The following TET3 variants were observed in gnomAD, a reference collection of about 807,000 sequenced individuals.
TET3 encodes the protein tet methylcytosine dioxygenase 3.
In TET3, 19 loss-of-function variants were observed where a neutral mutation model predicts 141.4. The observed-to-expected ratio is 0.13, with a 90% CI of 0.09 to 0.20. TET3 has a LOEUF of 0.20. Ranked by LOEUF, TET3 falls within the 10% of genes least tolerant of loss-of-function variation. The pLI is 1.00. For missense variants in TET3, 1,874 were observed against 2,356.9 expected (o/e 0.80, Z 4.24); for synonymous variants, 1,043 against 980.9 (o/e 1.06, Z -1.18).
At chr2:73,997,908 G>T (rs897294410) in intron 2 of TET3, among the ~76,000 whole-genome samples, 2 of 152,224 alleles carry the variant, frequency 1.3e-5, no homozygotes, top group African/African-American at 4.8e-5. Context: ...TGAGGGCAGA[G>T]ACTGGCCTTA....
chr2:74,013,236 C>T (rs1040391280), intron 3 of TET3, among the ~76,000 whole-genome samples: 6 of 151,878 alleles, frequency 4.0e-5, no homozygotes, highest in African/African-American at 7.2e-5. Context: ...CCTCATGATC[C>T]GCCCACCTCG....
At chr2:74,077,730 G>A (rs1689589283) in intron 5 of TET3, among the ~76,000 whole-genome samples, 1 of 152,208 alleles carries the variant, frequency 6.6e-6, no homozygotes. Flanking sequence ...GGGGCGGGAT[G>A]GTGGGGAAGG....
intron 4 of TET3, among the ~76,000 whole-genome samples, chr2:74,068,041 G>C (rs573045464): frequency 6.6e-6 from 1 of 152,184 alleles, no homozygotes; most frequent in Non-Finnish European, 1.5e-5. Flanking sequence ...AGGAGACCAT[G>C]GTGATAATTG....
chr2:73,986,895 C>G (rs1344431589), intron 2 of TET3, among the ~76,000 whole-genome samples, 189 bp downstream of exon 2: 1 of 152,182 alleles, frequency 6.6e-6, no homozygotes, highest in East Asian at 1.9e-4. Context: ...GTATGAGTAA[C>G]TGGGTAGAAG....
rs754411426 is a variant in TET3, at chr2:74,101,974, G to A, written c.5186G>A (p.Arg1729Gln). Reference protein sequence around the residue: ...RARARQEEAARLGLGQQEAKL... With the variant: ...RARARQEEAAQLGLGQQEAKL... ...CGGGCACGGCAGGAGGAGGCTGCCC[G>A]GCTGGGCCTGGGCCAGCAGGAGGCC... is the stretch of plus-strand genomic sequence containing the variant. The change falls in exon 12 of 12, where the codon CGG (arginine) becomes CAG (glutamine). Residue 1729 changes from arginine to glutamine, a missense_variant. Arg to Gln is a conservative substitution (Grantham distance 43, BLOSUM62 1). This residue lies in a region of TET3 where 113 missense variants were observed against 114.3 expected (regional missense o/e 0.99). Transcript: ENST00000409262. This position sits in a 1 kb window ranked among gnomAD's most constrained non-coding sequence, Gnocchi z 8.5. The A allele has an allele frequency of 3.6e-5, 58 of 1,606,956 alleles. No individual in the cohort carries two copies. The highest frequency in any genetic ancestry group is 4.3e-5 in the Non-Finnish European group (50 of 1,175,398).
rs749854666 is a variant in TET3 at position 74,093,564 on chromosome 2, G to A, written c.3165G>A (p.Leu1055=). 6.2e-7 allele frequency: 1 copy of A among 1,613,304 alleles called. No homozygotes were observed. The highest frequency in any genetic ancestry group is 1.1e-5 in the South Asian group (1 of 91,042). ...TNEEIAIDCR[L]GLKEGRPFAG... ...AGGAAATAGCGATTGACTGCCGTCTGGGGCTGAAGGAAGGACGGCCCTTCG... is the reference window on the plus strand; with the variant it reads ...AGGAAATAGCGATTGACTGCCGTCTAGGGCTGAAGGAAGGACGGCCCTTCG... The change falls in exon 10 of 12, where the codon CTG becomes CTA. Residue 1055 remains leucine, a synonymous_variant. Transcript: ENST00000409262. This position sits in a 1 kb window ranked among gnomAD's most constrained non-coding sequence, Gnocchi z 4.2.
At chr2:74,016,459 C>G (rs1044250475) in intron 3 of TET3, among the ~76,000 whole-genome samples, 1 of 152,142 alleles carries the variant, frequency 6.6e-6, no homozygotes, top group Non-Finnish European at 1.5e-5. Context: ...GTGGCTCTTA[C>G]ACCTGTAATA....
At chr2:74,097,823 CT>C (rs2104180685) in intron 10 of TET3, among the ~76,000 whole-genome samples, 1 of 152,190 alleles carries the variant, frequency 6.6e-6, no homozygotes, top group South Asian at 2.1e-4. Context: ...GGTGTGAGCT[CT>C]GGATTTGCTG....
chr2:74,057,567 G>C (rs997272005), intron 4 of TET3, among the ~76,000 whole-genome samples: 2 of 152,234 alleles, frequency 1.3e-5, no homozygotes, highest in Non-Finnish European at 2.9e-5. Flanking sequence ...AATAAGTATA[G>C]ACCAGTGGCT....
chr2:74,038,374 C>T (rs1687176463), intron 3 of TET3, among the ~76,000 whole-genome samples: 2 of 152,162 alleles, frequency 1.3e-5, no homozygotes, highest in Non-Finnish European at 2.9e-5. Context: ...ACACCTCCAA[C>T]TTGGGGAAGA....
the TET3 span, among the ~76,000 whole-genome samples, chr2:74,113,337 G>C: frequency 6.6e-6 from 1 of 151,730 alleles, no homozygotes; most frequent in African/African-American, 2.4e-5. Context: ...AGTAAGCGGA[G>C]ATCACGCCAC....
At chr2:74,003,248 G>T in intron 3 of TET3, 82 bp downstream of exon 3, 1 of 1,523,360 alleles carries the variant, frequency 6.6e-7, no homozygotes. Flanking sequence ...AAAATAAAGG[G>T]TCTCCTCTGG....
intron 3 of TET3, among the ~76,000 whole-genome samples, chr2:74,006,084 C>G (rs1685136330): frequency 6.7e-6 from 1 of 149,554 alleles, no homozygotes; most frequent in East Asian, 2.0e-4. Context: ...TTGACCACTG[C>G]AAAAAAAAAA....
chr2:74,083,515 G>C (rs937931513), intron 6 of TET3, among the ~76,000 whole-genome samples: 2 of 152,190 alleles, frequency 1.3e-5, no homozygotes, highest in Admixed American at 1.3e-4. Flanking sequence ...AGGGAATTCT[G>C]CCTAGAAGCT....
intron 4 of TET3, among the ~76,000 whole-genome samples, chr2:74,069,411 G>T (rs1162804152): frequency 6.7e-6 from 1 of 148,470 alleles, no homozygotes; most frequent in African/African-American, 2.5e-5. Context: ...GGATAAAATA[G>T]GTATTAAATT....
intron 4 of TET3, among the ~76,000 whole-genome samples, chr2:74,070,012 TATC>T (rs1558766720): frequency 1.3e-5 from 2 of 152,242 alleles, no homozygotes; most frequent in Non-Finnish European, 2.9e-5. Context: ...CATATAAAAT[TATC>T]ATTTTTTGAT....
the TET3 span, among the ~76,000 whole-genome samples, chr2:74,113,653 A>G: frequency 6.6e-6 from 1 of 152,188 alleles, no homozygotes; most frequent in Non-Finnish European, 1.5e-5. Context: ...TACATGTACA[A>G]CAAACTTAGC....
chr2:74,110,187 C>G (rs1335318595), downstream of TET3, among the ~76,000 whole-genome samples: 2 of 152,126 alleles, frequency 1.3e-5, no homozygotes, highest in Non-Finnish European at 2.9e-5. Context: ...TTTGCCAAAT[C>G]AGGTCCACTA....
chr2:74,094,620 G>A (rs1345226261), intron 10 of TET3, among the ~76,000 whole-genome samples: 2 of 152,132 alleles, frequency 1.3e-5, no homozygotes, highest in African/African-American at 2.4e-5. Context: ...GAGGAGGCTG[G>A]GGCAGCCATC....
Sources: allele counts gnomAD v4.1 joint callset (sites outside exome capture counted in the v4.1 genomes callset), GRCh38; gene constraint gnomAD v4.1.1; regional missense constraint gnomAD v4.1.1; non-coding constraint Gnocchi (gnomAD v3.1); transcripts MANE v1.5; gene names NCBI Gene and HGNC (gene_info 2026-07-23, HGNC 2026-07-21).